RIPOR1: variants seen among roughly 807,000 people sequenced by gnomAD.
The protein encoded by RIPOR1 is rho family-interacting cell polarization regulator 1.
In RIPOR1, 58 loss-of-function variants were observed where a neutral mutation model predicts 116.5. That is an observed-to-expected ratio of 0.50 (90% CI 0.40 to 0.62). The LOEUF (loss-of-function observed/expected upper bound fraction) is 0.62, where lower values mean the gene tolerates loss of function less well. RIPOR1 is among the 20% of genes least tolerant of loss of function. The pLI is 0.00. For missense variants in RIPOR1, 1,372 were observed against 1,586.2 expected (o/e 0.86, Z 2.29); for synonymous variants, 605 against 650.0 (o/e 0.93, Z 1.05).
chr16:67,519,735 G>A (rs1032932023), intron 1 of RIPOR1, among the ~76,000 whole-genome samples: 1 of 152,012 alleles, frequency 6.6e-6, no homozygotes, highest in Non-Finnish European at 1.5e-5. Context: ...AAGAGATGTG[G>A]GGGATGAGAC....
chr16:67,529,584 G>A lies in RIPOR1; in HGVS notation c.-24+670G>A. ...GGTTTGGGCAAGGGGCTGCTCACCA[G>A]GGCTAGAGGTCGGATTCAGTCCAGA... On this transcript the variant is annotated intron_variant, in intron 1 of 21. Transcript: ENST00000042381. The surrounding 1 kb of genome is among the most constrained non-coding windows in gnomAD (Gnocchi z 4.1). 1.7e-6 allele frequency: 1 copy of A among 596,202 alleles called. No individual in the cohort carries two copies. Among genetic ancestry groups the A allele is most frequent in the Non-Finnish European group, 2.9e-6 (1 of 339,712 alleles). The allele number at this position is 596,202 out of a possible 1,614,324, so 36.9% of individuals were successfully genotyped here.
intron 1 of RIPOR1, 59 bp from the exon 2 acceptor site, chr16:67,538,365 G>T: frequency 4.0e-6 from 6 of 1,514,868 alleles, no homozygotes; most frequent in Non-Finnish European, 5.4e-6. Flanking sequence ...GGATCCCGCT[G>T]CGTGGGAGAG....
Position 67,529,682 on chromosome 16 carries a change from T to G in RIPOR1, c.-24+768T>G. On this transcript the variant is annotated intron_variant, in intron 1 of 21. Transcript: ENST00000042381. This position sits in a 1 kb window ranked among gnomAD's most constrained non-coding sequence, Gnocchi z 4.1. ...TCCCCTACAGACCCTCCCCAGCCAG[T>G]TCTAACGTGTGTCCAGGCTGGCCGC... 1 of 1,386,762 alleles carries G rather than the reference T, an allele frequency of 7.2e-7. No homozygotes were observed. Among genetic ancestry groups the G allele is most frequent in the Non-Finnish European group, 9.7e-7 (1 of 1,026,188 alleles). 85.9% of individuals were successfully genotyped at this position (1,386,762 alleles called of 1,614,324 possible).
chr16:67,541,881 G>A lies in RIPOR1; in HGVS notation c.1095G>A (p.Arg365=), dbSNP rs2050998041. ...REQAFYNMLR[R]QEELENGTAW... is the part of the protein sequence containing the mutation. The stretch of plus-strand genomic sequence containing the variant: ...CTCTTTCTCAGAACATGCTGCGACG[G>A]CAGGAGGAGCTGGAGAATGGGACAG... Residue 365 remains arginine (R), a synonymous_variant, in exon 13 of 22, where the codon CGG becomes CGA. Transcript: ENST00000042381. This position sits in a 1 kb window ranked among gnomAD's most constrained non-coding sequence, Gnocchi z 4.6. The A allele has an allele frequency of 1.2e-6, 2 of 1,609,088 alleles. No individual in the cohort carries two copies. Among genetic ancestry groups the A allele is most frequent in the Non-Finnish European group, 8.5e-7 (1 of 1,176,366 alleles).
chr16:67,541,275 G>C lies in RIPOR1; in HGVS notation c.802-155G>C. 1.6e-6 allele frequency: 1 copy of C among 607,074 alleles called. No individual in the cohort carries two copies. The highest frequency in any genetic ancestry group is 3.1e-5 in the South Asian group (1 of 32,142). The allele number at this position is 607,074 out of a possible 1,614,324, so 37.6% of individuals were successfully genotyped here. On this transcript the variant is annotated intron_variant, in intron 10 of 21. Transcript: ENST00000042381. The surrounding 1 kb of genome is among the most constrained non-coding windows in gnomAD (Gnocchi z 4.6). ...TTTTGAGACAGAGTCTTGCCATGTT[G>C]CCCAAGCTGGTCTTGAACTCCTGGC...
Position 67,543,364 on chromosome 16 carries a change from C to T in RIPOR1, c.2495C>T (p.Thr832Ile), listed in dbSNP as rs1227695590. Residue 832 changes from threonine to isoleucine, a missense_variant, in exon 14 of 22, where the codon ACT (threonine) becomes ATT (isoleucine). Thr to Ile is a moderately conservative substitution (Grantham distance 89). This residue lies in a region of RIPOR1 where 1,005 missense variants were observed against 1,144.7 expected (regional missense o/e 0.88). Coordinates refer to ENST00000042381, the MANE Select transcript of RIPOR1 (RefSeq NM_024519.4). This position sits in a 1 kb window ranked among gnomAD's most constrained non-coding sequence, Gnocchi z 4.7. Reference sequence around the variant, plus strand: ...CAACCTCAGCAGAGACAAGGTCTGACTCGCAGCCGGGCCTCCAGTCTCAGC... The same window carrying T: ...CAACCTCAGCAGAGACAAGGTCTGATTCGCAGCCGGGCCTCCAGTCTCAGC... ...ESLLMQRQGLTRSRASSLSIT... is the reference protein window; with the variant it reads ...ESLLMQRQGLIRSRASSLSIT... 1 of 1,605,054 alleles carries T rather than the reference C, an allele frequency of 6.2e-7. No individual in the cohort carries two copies. The highest frequency in any genetic ancestry group is 1.7e-5 in the Admixed American group (1 of 58,592).
rs1417389318 is a variant in RIPOR1, at chr16:67,538,807, G to A, written c.240G>A (p.Ala80=). 1 of 1,613,068 alleles carries A rather than the reference G, an allele frequency of 6.2e-7. No individual in the cohort carries two copies. The highest frequency in any genetic ancestry group is 1.1e-5 in the South Asian group (1 of 91,052). Residue 80 remains alanine (A), a synonymous_variant, in exon 3 of 22, where the codon GCG becomes GCA. Transcript: ENST00000042381. ...QPERLDLVYT[A]LKRGLTAYLE... is the part of the protein sequence containing the mutation. ...AGCGGCTGGACCTGGTGTACACGGC[G>A]CTGAAGCGGGGCCTGACGTGAGCAG...
Position 67,542,171 on chromosome 16 carries a change from A to G in RIPOR1, c.1385A>G (p.Glu462Gly), listed in dbSNP as rs766460086. ...GCTAGTGTAGATGCTGCCTTGGCTG[A>G]GGCTTCAGTGGAGGCCGTTGGCCCA... Reference protein sequence around the residue: ...SEASVDAALAEASVEAVGPES... With the variant: ...SEASVDAALAGASVEAVGPES... Residue 462 changes from glutamate (E) to glycine (G), a missense_variant, in exon 13 of 22, where the codon GAG (glutamate) becomes GGG (glycine). Coordinates refer to ENST00000042381, the MANE Select transcript of RIPOR1 (RefSeq NM_024519.4). The surrounding 1 kb of genome is among the most constrained non-coding windows in gnomAD (Gnocchi z 4.6). 1.9e-6 allele frequency: 3 copies of G among 1,613,612 alleles called. No homozygotes were observed. The highest frequency in any genetic ancestry group is 2.5e-6 in the Non-Finnish European group (3 of 1,179,774).
In RIPOR1 at chr16:67,529,550, T is replaced by C. The variant is rs1379462230; in HGVS notation, c.-24+636T>C. On this transcript the variant is annotated intron_variant, in intron 1 of 21. Transcript: ENST00000042381. This position sits in a 1 kb window ranked among gnomAD's most constrained non-coding sequence, Gnocchi z 4.1. ...CTGCAACAGCCGGGCCTGGGCTCTC[T>C]GCAGAACTGGTTTGGGCAAGGGGCT... 2.1e-5 allele frequency: 11 copies of C among 520,552 alleles called. No homozygotes were observed. The East Asian group carries it at 3.5e-4, about 17-fold the overall frequency. The allele number at this position is 520,552 out of a possible 1,614,324, so 32.2% of individuals were successfully genotyped here. A position where few individuals can be genotyped will look rare whatever the true frequency, so the allele number is the denominator to read the frequency against.
At position 67,542,948 on chromosome 16, in the gene RIPOR1, C is replaced by A. The variant is rs1430786746; in HGVS notation, c.2162C>A (p.Ala721Asp). Residue 721 changes from alanine (A) to aspartate (D), a missense_variant, in exon 13 of 22, where the codon GCC becomes GAC. By Grantham distance (126) the Ala-to-Asp change is moderately radical. Around this residue, in one of 3 missense-constraint regions of RIPOR1, gnomAD observed 1,005 missense variants for 1,144.7 expected, o/e 0.88. Transcript: ENST00000042381. The surrounding 1 kb of genome is among the most constrained non-coding windows in gnomAD (Gnocchi z 4.6). The part of the protein sequence containing the change: ...SNSYTQADPM[A>D]PRTPHPSPAH... ...TCCTACACTCAGGCAGACCCTATGG[C>A]CCCCAGAACTCCCCACCCAAGTCCT... The A allele has an allele frequency of 3.1e-6, 5 of 1,587,424 alleles. No homozygotes were observed. Among genetic ancestry groups the A allele is most frequent in the Non-Finnish European group, 4.3e-6 (5 of 1,165,622 alleles).
chr16:67,531,903 G>GT lies in RIPOR1; in HGVS notation c.-24+2995dup, dbSNP rs1211912306. Among the ~76,000 whole-genome samples, 3 of 152,016 alleles carry GT rather than the reference G, an allele frequency of 2.0e-5. No homozygotes were observed. Among genetic ancestry groups the GT allele is most frequent in the Non-Finnish European group, 4.4e-5 (3 of 68,004 alleles). ...ACCACCTGTGTGACTGTTTTGTTTT[G>GT]TTTTTTGAGACAGAGTCTCGCTCTG... is the stretch of plus-strand genomic sequence containing the variant. On this transcript the variant is annotated intron_variant, in intron 1 of 21. Coordinates refer to ENST00000042381, the MANE Select transcript of RIPOR1 (RefSeq NM_024519.4). This position sits in a 1 kb window ranked among gnomAD's most constrained non-coding sequence, Gnocchi z 4.2.
At chr16:67,533,646 T>C in intron 1 of RIPOR1, among the ~76,000 whole-genome samples, 1 of 151,846 alleles carries the variant, frequency 6.6e-6, no homozygotes, top group East Asian at 1.9e-4. Flanking sequence ...TGTCCAGTGG[T>C]GGGTACAGAA....
At chr16:67,527,853 C>CAA (rs796470899), upstream of RIPOR1, among the ~76,000 whole-genome samples, 141 of 67,622 alleles carry the variant, frequency 2.1e-3, no homozygotes, top group African/African-American at 5.8e-3. Flanking sequence ...CACTCTGTCT[C>CAA]AAAAAAAAAA....
Position 67,529,642 on chromosome 16 carries a change from G to C in RIPOR1, c.-24+728G>C. The C allele has an allele frequency of 1.1e-6, 1 of 895,328 alleles. No individual in the cohort carries two copies. The highest frequency in any genetic ancestry group is 2.5e-5 in the Admixed American group (1 of 40,218). The allele number at this position is 895,328 out of a possible 1,614,324, so 55.5% of individuals were successfully genotyped here. On this transcript the variant is annotated intron_variant, in intron 1 of 21. Transcript: ENST00000042381. The surrounding 1 kb of genome is among the most constrained non-coding windows in gnomAD (Gnocchi z 4.1). ...CCCTTTGTCCTCCTCTCCAGGGTGA[G>C]CCCTGAGTCCGGCCTCCCCTACAGA...
chr16:67,540,116 G>T lies in RIPOR1; in HGVS notation c.478G>T (p.Val160Phe). The change falls in exon 7 of 22, where the codon GTC (valine) becomes TTC (phenylalanine). Residue 160 changes from valine (V) to phenylalanine (F), a missense_variant. Transcript: ENST00000042381. The surrounding 1 kb of genome is among the most constrained non-coding windows in gnomAD (Gnocchi z 4.7). The part of the protein sequence containing the change: ...RRLRDGAYNM[V>F]RAYTTGSPGS... ...TCTCCGGGATGGTGCCTACAACATG[G>T]TCCGTGCCTACACCACTGGGTCCCC... 1 of 1,614,190 alleles carries T rather than the reference G, an allele frequency of 6.2e-7. No individual in the cohort carries two copies.
In RIPOR1 at chr16:67,542,232, C is replaced by A; in HGVS notation, c.1446C>A (p.His482Gln). ...SLAWGPSPPT[H>Q]PAPTHGEHPS... ...CCTGGGGACCTAGCCCACCTACACA[C>A]CCAGCTCCCACCCATGGAGAGCACC... Residue 482 changes from histidine to glutamine, a missense_variant, in exon 13 of 22, where the codon CAC becomes CAA. By Grantham distance (24) the His-to-Gln change is conservative. Coordinates refer to ENST00000042381, the MANE Select transcript of RIPOR1 (RefSeq NM_024519.4). This position sits in a 1 kb window ranked among gnomAD's most constrained non-coding sequence, Gnocchi z 4.6. 1.2e-6 allele frequency: 2 copies of A among 1,613,590 alleles called. No homozygotes were observed. The highest frequency in any genetic ancestry group is 2.2e-5 in the East Asian group (1 of 44,864).
At chr16:67,533,917 C>T (rs946770521) in intron 1 of RIPOR1, among the ~76,000 whole-genome samples, 1 of 150,928 alleles carries the variant, frequency 6.6e-6, no homozygotes, top group African/African-American at 2.4e-5. Context: ...AAGCGATTCT[C>T]CTGCCTCAGT....
intron 1 of RIPOR1, among the ~76,000 whole-genome samples, chr16:67,519,795 C>G (rs2050478058): frequency 6.6e-6 from 1 of 152,134 alleles, no homozygotes; most frequent in Admixed American, 6.6e-5. Flanking sequence ...AGTGCGGTGG[C>G]TCACGCCTGT....
Position 67,540,769 on chromosome 16 carries a change from C to T in RIPOR1, c.801+65C>T, listed in dbSNP as rs2050957256. On this transcript the variant is annotated intron_variant, in intron 10 of 21. Coordinates refer to ENST00000042381, the MANE Select transcript of RIPOR1 (RefSeq NM_024519.4). This position sits in a 1 kb window ranked among gnomAD's most constrained non-coding sequence, Gnocchi z 4.7. The stretch of plus-strand genomic sequence containing the variant: ...GTGAACCCCTTGTGACCCCCATTAC[C>T]CTGAGTCCCTTACTCCTGTGATCCC... 1.4e-6 allele frequency: 2 copies of T among 1,480,224 alleles called. No homozygotes were observed. Among genetic ancestry groups the T allele is most frequent in the Admixed American group, 4.3e-5 (2 of 46,362 alleles). The allele number at this position is 1,480,224 out of a possible 1,614,324, so 91.7% of individuals were successfully genotyped here. A position where few individuals can be genotyped will look rare whatever the true frequency, so the allele number is the denominator to read the frequency against.
Sources: gnomAD v4.1 joint callset for allele counts (sites outside exome capture counted in the v4.1 genomes callset) on GRCh38, gnomAD v4.1.1 for gene constraint, gnomAD v4.1.1 regional missense constraint, Gnocchi (gnomAD v3.1) non-coding constraint, MANE v1.5 for transcripts, NCBI Gene and HGNC (gene_info 2026-07-23, HGNC 2026-07-21) for gene names.